ROBO1: variants seen among roughly 807,000 people sequenced by gnomAD.
ROBO1 encodes the protein roundabout guidance receptor 1, also known as roundabout homolog 1.
ROBO1 carries 149 observed loss-of-function variants against 195.9 expected under a neutral mutation model. The observed-to-expected ratio is 0.76, with a 90% CI of 0.67 to 0.87. The LOEUF is 0.87. ROBO1 is among the 40% of genes least tolerant of loss of function. The pLI is 0.00. For missense variants in ROBO1, 1,933 were observed against 2,068.3 expected, an observed-to-expected ratio of 0.93 and a Z score of 1.27; for synonymous variants, 816 against 733.2, an observed-to-expected ratio of 1.11 and a Z score of -1.82.
chr3:78,907,667 G>A lies in ROBO1; in HGVS notation c.499+30934C>T, dbSNP rs543291721. On this transcript the variant is annotated intron_variant, in intron 4 of 30. Coordinates refer to ENST00000464233, the MANE Select transcript of ROBO1 (RefSeq NM_002941.4). ...GTCATAACAGTCTGATATAATTTAC[G>A]TCATTTTCTAATTTTCATTCCTTCA... is the stretch of plus-strand genomic sequence containing the variant. Among the ~76,000 whole-genome samples the A allele has an allele frequency of 9.2e-5, 14 of 152,064 alleles. No individual in the cohort carries two copies. In the South Asian group the frequency reaches 1.0e-3, roughly 11 times the overall value.
intron 10 of ROBO1, among the ~76,000 whole-genome samples, chr3:78,678,352 C>T (rs1360500720): frequency 2.0e-5 from 3 of 151,712 alleles, no homozygotes; most frequent in South Asian, 2.1e-4. Flanking sequence ...AATAGAGACA[C>T]AAAAAACCCT....
At chr3:79,501,956 G>A (rs1322214264) in intron 2 of ROBO1, among the ~76,000 whole-genome samples, 1 of 152,222 alleles carries the variant, frequency 6.6e-6, no homozygotes, top group Non-Finnish European at 1.5e-5. Context: ...AACAGCTAAG[G>A]CTGGACACAG....
At chr3:79,208,238 C>T in intron 2 of ROBO1, among the ~76,000 whole-genome samples, 1 of 152,188 alleles carries the variant, frequency 6.6e-6, no homozygotes, top group East Asian at 1.9e-4. Flanking sequence ...GTTTTATTTA[C>T]TTATTTGTCT....
At chr3:78,953,136 A>G (rs2040874435) in intron 3 of ROBO1, among the ~76,000 whole-genome samples, 1 of 152,050 alleles carries the variant, frequency 6.6e-6, no homozygotes, top group Non-Finnish European at 1.5e-5. Context: ...TAGACAACTA[A>G]GTAGGAGAGG....
intron 3 of ROBO1, among the ~76,000 whole-genome samples, chr3:79,090,340 C>G (rs1371736805): frequency 2.6e-5 from 4 of 151,932 alleles, no homozygotes; most frequent in Non-Finnish European, 5.9e-5. Flanking sequence ...TTAGAAAGAC[C>G]TTCATGTCTT....
chr3:79,653,177 G>A (rs1227897636), intron 1 of ROBO1, among the ~76,000 whole-genome samples: 1 of 151,438 alleles, frequency 6.6e-6, no homozygotes, highest in South Asian at 2.1e-4. Flanking sequence ...TTATAAATGT[G>A]TCTATATCTT....
At chr3:79,716,680 A>C (rs1025502369) in intron 1 of ROBO1, among the ~76,000 whole-genome samples, 8 of 151,958 alleles carry the variant, frequency 5.3e-5, no homozygotes, top group Admixed American at 4.6e-4. Context: ...GATACCAACT[A>C]TGTTGGTCCT....
intron 4 of ROBO1, among the ~76,000 whole-genome samples, chr3:78,891,777 T>C (rs1490864879): frequency 6.6e-6 from 1 of 152,206 alleles, no homozygotes; most frequent in Non-Finnish European, 1.5e-5. Flanking sequence ...AATGAACTAT[T>C]GATGTGTGTA....
intron 3 of ROBO1, among the ~76,000 whole-genome samples, chr3:79,045,835 T>C (rs2078580869): frequency 6.6e-6 from 1 of 152,160 alleles, no homozygotes; most frequent in African/African-American, 2.4e-5. Context: ...AAAAGCTTTC[T>C]CTAGTCTGGA....
chr3:79,234,300 T>C (rs1436832281), intron 2 of ROBO1, among the ~76,000 whole-genome samples: 2 of 152,142 alleles, frequency 1.3e-5, no homozygotes, highest in Non-Finnish European at 1.5e-5. Context: ...GGTTTTCTTC[T>C]AAGATTCTTA....
At chr3:78,607,126 T>C in intron 28 of ROBO1, 85 bp from the exon 29 acceptor site, 1 of 1,299,492 alleles carries the variant, frequency 7.7e-7, no homozygotes, top group Non-Finnish European at 1.1e-6. Flanking sequence ...GGAGCCACAT[T>C]CACCTACGAG....
At position 79,504,737 on chromosome 3, in the gene ROBO1, G is replaced by C. The variant is rs923602424; in HGVS notation, c.88+85087C>G. 3.3e-5 allele frequency among the ~76,000 whole-genome samples: 5 copies of C among 152,220 alleles called. No homozygotes were observed. In the South Asian group the frequency reaches 8.3e-4, roughly 25 times the overall value. ...TTCATGCTATCTCCCCAATTTGTTT[G>C]ATTTTTTTCTTACTGCCTAGTTAAC... On this transcript the variant is annotated intron_variant, in intron 2 of 30. Transcript: ENST00000464233.
intron 8 of ROBO1, among the ~76,000 whole-genome samples, chr3:78,712,871 C>T (rs935603217): frequency 1.3e-5 from 2 of 152,182 alleles, no homozygotes; most frequent in African/African-American, 4.8e-5. Flanking sequence ...ATAAAAGCAT[C>T]AGGCTACCAA....
At chr3:78,643,221 A>G (rs1186356550) in intron 21 of ROBO1, among the ~76,000 whole-genome samples, 2 of 152,102 alleles carry the variant, frequency 1.3e-5, no homozygotes. Flanking sequence ...TAACTACTCA[A>G]CTCTGCCAAT....
chr3:79,581,635 A>AT (rs1305615376), intron 2 of ROBO1, among the ~76,000 whole-genome samples: 5 of 152,052 alleles, frequency 3.3e-5, no homozygotes, highest in East Asian at 1.9e-4. Flanking sequence ...CTAACATGCT[A>AT]TTTTTTCCCT....
intron 3 of ROBO1, among the ~76,000 whole-genome samples, chr3:78,996,824 T>C (rs2077379049): frequency 6.6e-6 from 1 of 152,176 alleles, no homozygotes; most frequent in Non-Finnish European, 1.5e-5. Context: ...TACATAAGCA[T>C]GTGTGTATAC....
At chr3:78,862,948 T>C (rs2107022928) in intron 4 of ROBO1, among the ~76,000 whole-genome samples, 1 of 152,342 alleles carries the variant, frequency 6.6e-6, no homozygotes, top group Admixed American at 6.5e-5. Context: ...GGACCAGCTC[T>C]GAATTCTGAA....
intron 3 of ROBO1, among the ~76,000 whole-genome samples, chr3:79,085,438 C>A (rs1411340487): frequency 1.3e-5 from 2 of 152,122 alleles, no homozygotes; most frequent in African/African-American, 4.8e-5. Context: ...CTGTCAGTTT[C>A]CCTTGACTTC....
chr3:78,640,447 T>A (rs1478648327), intron 21 of ROBO1, among the ~76,000 whole-genome samples: 1 of 152,222 alleles, frequency 6.6e-6, no homozygotes, highest in African/African-American at 2.4e-5. Flanking sequence ...TCCTCATCAA[T>A]GTTTCAGAGC....
Sources: allele counts gnomAD v4.1 joint callset (sites outside exome capture counted in the v4.1 genomes callset), GRCh38; gene constraint gnomAD v4.1.1; transcripts MANE v1.5; gene names NCBI Gene and HGNC (gene_info 2026-07-23, HGNC 2026-07-21).